The following DPH7 variants were observed in gnomAD, a reference collection of about 807,000 sequenced individuals.
The protein encoded by DPH7 is diphthamide biosynthesis 7, also known as diphthine methyltransferase.
Under a neutral mutation model 41.7 loss-of-function variants are expected in DPH7, and 44 were observed. The observed-to-expected ratio is 1.05, with a 90% CI of 0.83 to 1.36. The LOEUF (loss-of-function observed/expected upper bound fraction) is 1.36, where lower values mean the gene tolerates loss of function less well. Among genes scored for constraint, DPH7 ranks in the 40% most tolerant of loss-of-function variants. The probability of loss-of-function intolerance (pLI) is 0.00; values close to 1 mark genes in which losing one functional copy is unlikely to be tolerated. For synonymous variants in DPH7, 275 were observed against 238.0 expected (o/e 1.16, Z -1.43); for missense variants, 629 against 577.5 (o/e 1.09, Z -0.91).
At chr9:137,558,292 T>C (rs1370153514) in intron 8 of DPH7, among the ~76,000 whole-genome samples, 1 of 152,136 alleles carries the variant, frequency 6.6e-6, no homozygotes, top group Non-Finnish European at 1.5e-5. Context: ...CACTGAGGAC[T>C]GAGTTGAGGC....
intron 2 of DPH7, among the ~76,000 whole-genome samples, 170 bp downstream of exon 2, chr9:137,577,300 G>A (rs1419981563): frequency 6.6e-6 from 1 of 152,142 alleles, no homozygotes; most frequent in African/African-American, 2.4e-5. Flanking sequence ...CATGACAAAG[G>A]AAATAAGCCC....
chr9:137,578,769 G>A lies in DPH7; in HGVS notation c.9C>T (p.Gly3=), dbSNP rs1267098320. 17 of 1,500,030 alleles carry A rather than the reference G, an allele frequency of 1.1e-5. No individual in the cohort carries two copies. Among genetic ancestry groups the A allele is most frequent in the Non-Finnish European group, 1.5e-5 (17 of 1,124,634 alleles). 92.9% of individuals were successfully genotyped at this position (1,500,030 alleles called of 1,614,324 possible). The change falls in exon 1 of 9, where the codon GGC becomes GGT. Residue 3 remains glycine (G), a synonymous_variant. Coordinates refer to ENST00000277540, the MANE Select transcript of DPH7 (RefSeq NM_138778.5). Reference sequence around the variant, plus strand: ...TGTCCACCGTTTGCAGGGCGAAACAGCCCATCATCCAGCCCTCGGGGAAGG... The same window carrying A: ...TGTCCACCGTTTGCAGGGCGAAACAACCCATCATCCAGCCCTCGGGGAAGG... The part of the protein sequence containing the change: MM[G]CFALQTVDTE...
intron 5 of DPH7, among the ~76,000 whole-genome samples, chr9:137,571,958 C>T (rs968131662): frequency 6.6e-6 from 1 of 152,114 alleles, no homozygotes; most frequent in Non-Finnish European, 1.5e-5. Flanking sequence ...GGTACCTTTG[C>T]TCTGAATTAG....
rs528538970 is a variant in DPH7 at position 137,576,247 on chromosome 9, C to T, written c.288-80G>A. The T allele has an allele frequency of 7.2e-5, 94 of 1,304,636 alleles. No homozygotes were observed. The African/African-American group carries it at 8.0e-4, about 11-fold the overall frequency. The allele number at this position is 1,304,636 out of a possible 1,614,324, so 80.8% of individuals were successfully genotyped here. On this transcript the variant is annotated intron_variant, in intron 2 of 8. Transcript: ENST00000277540. ...CTGTGCGTCCCGGTAACCACAGTCA[C>T]GCTTCCCTTAACAACGGGGCTGCAG...
intron 8 of DPH7, among the ~76,000 whole-genome samples, chr9:137,563,440 G>A (rs1428875937): frequency 5.4e-5 from 8 of 147,192 alleles, no homozygotes; most frequent in African/African-American, 2.0e-4. Flanking sequence ...GCTGAGGCAG[G>A]AGAATCGCTA....
In DPH7 at chr9:137,556,658, C is replaced by G. The variant is rs1461964381; in HGVS notation, c.950-1010G>C. 1 of 356,050 alleles carries G rather than the reference C, an allele frequency of 2.8e-6. No homozygotes were observed. The highest frequency in any genetic ancestry group is 2.1e-5 in the South Asian group (1 of 48,538). 22.1% of individuals were successfully genotyped at this position (356,050 alleles called of 1,614,324 possible). On this transcript the variant is annotated intron_variant, in intron 8 of 8. Coordinates refer to ENST00000277540, the MANE Select transcript of DPH7 (RefSeq NM_138778.5). The surrounding 1 kb of genome is among the most constrained non-coding windows in gnomAD (Gnocchi z 5.2). ...GTTCAGAGACAGCCACAGGGGCCCT[C>G]GAGCAGCATGTGTGGGGCGACCCTC...
In DPH7 at chr9:137,555,445, C is replaced by T. The variant is rs531972198; in HGVS notation, c.1153G>A (p.Asp385Asn). The T allele has an allele frequency of 8.4e-5, 136 of 1,614,004 alleles. No individual in the cohort carries two copies. Among genetic ancestry groups the T allele is most frequent in the Non-Finnish European group, 8.2e-5 (97 of 1,180,004 alleles). The change falls in exon 9 of 9, where the codon GAT becomes AAT. Residue 385 changes from aspartate (D) to asparagine (N), a missense_variant. Transcript: ENST00000277540. Reference protein sequence around the residue: ...TPCHECREDNDGEGHARPQSG... With the variant: ...TPCHECREDNNGEGHARPQSG... The stretch of plus-strand genomic sequence containing the variant: ...TGGGGTCTGGCATGGCCCTCCCCAT[C>T]GTTATCCTCTCTGCATTCATGACAG...
chr9:137,578,578 C>A, intron 1 of DPH7, 47 bp downstream of exon 1: 1 of 1,429,698 alleles, frequency 7.0e-7, no homozygotes. Context: ...CGGCCTCAAC[C>A]TCGTGGCCGG....
At position 137,555,550 on chromosome 9, in the gene DPH7, G is replaced by A. The variant is rs748820484; in HGVS notation, c.1048C>T (p.Arg350Trp). The A allele has an allele frequency of 8.1e-6, 13 of 1,613,936 alleles. No homozygotes were observed. In the East Asian group the frequency reaches 1.3e-4, roughly 17 times the overall value. Residue 350 changes from arginine (R) to tryptophan (W), a missense_variant, in exon 9 of 9, where the codon CGG becomes TGG. Arg to Trp is a moderately radical substitution (Grantham distance 101). Transcript: ENST00000277540. ...CTAGGAAAGGACCACGAGGGGGCCC[G>A]CTGCAGAGAACGGAAGAGCAGCCAG... ...WSWLLFRSLQ[R>W]APSWSFPSNL...
intron 8 of DPH7, 93 bp downstream of exon 8, chr9:137,564,341 G>C: frequency 6.9e-7 from 1 of 1,458,804 alleles, no homozygotes; most frequent in African/African-American, 1.4e-5. Context: ...GCAGAGCAAG[G>C]GAGCAGGGAG....
chr9:137,558,686 G>A (rs1837953907), intron 8 of DPH7, among the ~76,000 whole-genome samples: 1 of 152,206 alleles, frequency 6.6e-6, no homozygotes, highest in Non-Finnish European at 1.5e-5. Context: ...TGATAGAAAA[G>A]TTTTGAAAAT....
intron 4 of DPH7, 35 bp downstream of exon 4, chr9:137,574,717 A>G (rs1215225505): frequency 6.3e-7 from 1 of 1,598,782 alleles, no homozygotes; most frequent in Non-Finnish European, 8.6e-7. Flanking sequence ...TTCTCAGAGA[A>G]AGACTCAGGA....
At chr9:137,569,460 A>ACCAT (rs1294658223) in intron 5 of DPH7, among the ~76,000 whole-genome samples, 7 of 117,642 alleles carry the variant, frequency 6.0e-5, no homozygotes, top group Non-Finnish European at 1.0e-4. Flanking sequence ...TCACTCACCC[A>ACCAT]CCATCCATCC....
intron 5 of DPH7, among the ~76,000 whole-genome samples, chr9:137,569,721 T>C (rs1564445533): frequency 9.7e-6 from 1 of 102,652 alleles, no homozygotes; most frequent in Non-Finnish European, 1.9e-5. Context: ...CCACCCATGA[T>C]CCATCCATCC....
At chr9:137,578,367 C>T in intron 1 of DPH7, 1 of 321,090 alleles carries the variant, frequency 3.1e-6, no homozygotes, top group Non-Finnish European at 5.7e-6. Flanking sequence ...GGGGTTTCAC[C>T]ATGTTAGCCA....
Position 137,574,762 on chromosome 9 carries a change from T to C in DPH7, c.457A>G (p.Lys153Glu). The change falls in exon 4 of 9, where the codon AAA becomes GAA. Residue 153 changes from lysine to glutamate, a missense_variant. By Grantham distance (56) the Lys-to-Glu change is moderately conservative (BLOSUM62 1). Transcript: ENST00000277540. ...AAGCCTGGCCCTTACCTTCCAGTTTTCCCAGTGGACCAATCTAGGGACAAA... is the reference window on the plus strand; with the variant it reads ...AAGCCTGGCCCTTACCTTCCAGTTTCCCCAGTGGACCAATCTAGGGACAAA... ...LALSLDWSTG[K>E]TGRAGDQPLK... The C allele has an allele frequency of 6.2e-7, 1 of 1,613,986 alleles. No individual in the cohort carries two copies. The highest frequency in any genetic ancestry group is 8.5e-7 in the Non-Finnish European group (1 of 1,179,994).
chr9:137,559,026 A>G (rs1454615266), intron 8 of DPH7, among the ~76,000 whole-genome samples: 5 of 152,258 alleles, frequency 3.3e-5, no homozygotes, highest in Admixed American at 6.5e-5. Flanking sequence ...GACCGAGGAC[A>G]TGAGCTGTTC....
chr9:137,575,064 A>C, intron 3 of DPH7: 1 of 1,338,060 alleles, frequency 7.5e-7, no homozygotes, highest in Non-Finnish European at 9.6e-7. Context: ...CACTTGCAGG[A>C]CAACTTTCCC....
rs755830752 is a variant in DPH7 at position 137,565,154 on chromosome 9, CCT to C, written c.641-2_641-1del. On this transcript the variant is annotated splice_acceptor_variant, in intron 5 of 8. Coordinates refer to ENST00000277540, the MANE Select transcript of DPH7 (RefSeq NM_138778.5). LOFTEE classifies it high-confidence loss of function. ...GCCCCTCAGAAGGCCATCGTCGCCC[CCT>C]GTGTGGAGAAAGAGAAGCATCAACA... 152 of 1,613,998 alleles carry C rather than the reference CCT, an allele frequency of 9.4e-5. No individual in the cohort carries two copies. The highest frequency in any genetic ancestry group is 3.3e-4 in the Admixed American group (20 of 60,030).
Sources: gnomAD v4.1 joint callset for allele counts (sites outside exome capture counted in the v4.1 genomes callset) on GRCh38, gnomAD v4.1.1 for gene constraint, Gnocchi (gnomAD v3.1) non-coding constraint, MANE v1.5 for transcripts, NCBI Gene and HGNC (gene_info 2026-07-23, HGNC 2026-07-21) for gene names.